The following SLC16A12 variants were observed in gnomAD, a reference collection of about 807,000 sequenced individuals.
SLC16A12 encodes solute carrier family 16 member 12, also known as monocarboxylate transporter 12.
SLC16A12 carries 17 observed loss-of-function variants against 42.4 expected under a neutral mutation model. That is an observed-to-expected ratio of 0.40 (90% CI 0.27 to 0.60). The LOEUF (loss-of-function observed/expected upper bound fraction) is 0.60, where lower values mean the gene tolerates loss of function less well. SLC16A12 is among the 20% of genes least tolerant of loss of function. SLC16A12 has a pLI of 0.42. For missense variants in SLC16A12, 544 were observed against 623.0 expected (o/e 0.87, Z 1.35); for synonymous variants, 224 against 229.4 (o/e 0.98, Z 0.21).
intron 7 of SLC16A12, 30 bp downstream of exon 7, chr10:89,436,030 G>C (rs1419712175): frequency 1.9e-6 from 3 of 1,613,060 alleles, no homozygotes; most frequent in Non-Finnish European, 2.5e-6. Flanking sequence ...AAAGAGAAAA[G>C]GTGGTTGGGG....
Position 89,438,890 on chromosome 10 carries a change from CTTCT to C in SLC16A12, c.738_741del (p.Glu247ThrfsTer11). 6.2e-7 allele frequency: 1 copy of C among 1,613,556 alleles called. No homozygotes were observed. Among genetic ancestry groups the C allele is most frequent in the Non-Finnish European group, 8.5e-7 (1 of 1,179,812 alleles). ...GAATAGGGAGACACCCGCTTAATGT[CTTCT>C]TTCTGAGTTCTACACACATGGTTCT... On this transcript the variant is annotated frameshift_variant, in exon 6 of 8. Transcript: ENST00000371790. LOFTEE classifies it high-confidence loss of function.
chr10:89,444,350 T>C (rs1841963765), intron 3 of SLC16A12, among the ~76,000 whole-genome samples: 1 of 152,096 alleles, frequency 6.6e-6, no homozygotes, highest in Non-Finnish European at 1.5e-5. Flanking sequence ...TATAAAAGGA[T>C]ATATTCTGAG....
intron 2 of SLC16A12, among the ~76,000 whole-genome samples, chr10:89,524,530 A>G (rs527451053): frequency 6.6e-6 from 1 of 152,338 alleles, no homozygotes; most frequent in Non-Finnish European, 1.5e-5. Context: ...TAGAAGGTTC[A>G]ACCTGCGAAT....
chr10:89,543,995 T>C (rs896131088), intron 2 of SLC16A12, among the ~76,000 whole-genome samples: 2 of 152,234 alleles, frequency 1.3e-5, no homozygotes, highest in Admixed American at 6.5e-5. Flanking sequence ...TCCCACTATG[T>C]CCACAGAGTA....
chr10:89,459,605 C>A (rs1211329493), intron 3 of SLC16A12, among the ~76,000 whole-genome samples: 4 of 150,168 alleles, frequency 2.7e-5, no homozygotes, highest in Non-Finnish European at 4.4e-5. Flanking sequence ...AACAAACAAA[C>A]AAACAAACTA....
intron 3 of SLC16A12, among the ~76,000 whole-genome samples, chr10:89,459,442 G>A (rs1385709879): frequency 6.6e-6 from 1 of 151,926 alleles, no homozygotes; most frequent in African/African-American, 2.4e-5. Context: ...AGGTAGAAGT[G>A]TGGTGTGTGT....
chr10:89,488,674 T>G (rs954092515), intron 2 of SLC16A12, among the ~76,000 whole-genome samples: 3 of 152,210 alleles, frequency 2.0e-5, no homozygotes, highest in Non-Finnish European at 2.9e-5. Context: ...AATGATGCCT[T>G]AGAAATCTGT....
intron 3 of SLC16A12, among the ~76,000 whole-genome samples, chr10:89,455,536 G>A (rs1429265840): frequency 6.6e-6 from 1 of 152,064 alleles, no homozygotes; most frequent in Non-Finnish European, 1.5e-5. Flanking sequence ...ATGAAATATG[G>A]GAAGAATATT....
In SLC16A12 at chr10:89,511,265, A is replaced by G. The variant is rs555373959; in HGVS notation, c.-47+23236T>C. ...AAAGGATTATAAATCATTCTACTGT[A>G]AAGGCACATGCACACGTATGTGTAT... On this transcript the variant is annotated intron_variant, in intron 2 of 7. Transcript: ENST00000371790. Among the ~76,000 whole-genome samples the G allele has an allele frequency of 2.0e-5, 3 of 152,366 alleles. No homozygotes were observed. In the East Asian group the frequency reaches 5.8e-4, roughly 29 times the overall value.
intron 2 of SLC16A12, among the ~76,000 whole-genome samples, chr10:89,541,730 A>G (rs1451441314): frequency 6.6e-6 from 1 of 152,244 alleles, no homozygotes. Flanking sequence ...GCATTGTAGA[A>G]CATTTAGCAG....
intron 2 of SLC16A12, among the ~76,000 whole-genome samples, chr10:89,506,017 T>C (rs1162715703): frequency 6.6e-6 from 1 of 152,144 alleles, no homozygotes; most frequent in Non-Finnish European, 1.5e-5. Context: ...GCCAACTGTC[T>C]CTCTAGATTC....
chr10:89,524,411 C>T (rs1422029924), intron 2 of SLC16A12, among the ~76,000 whole-genome samples: 1 of 152,206 alleles, frequency 6.6e-6, no homozygotes, highest in Admixed American at 6.5e-5. Context: ...CCCCTGGCCA[C>T]ACATATTCCC....
chr10:89,534,663 A>C (rs1338326733), intron 1 of SLC16A12, 23 bp from the exon 2 acceptor site: 1 of 148,666 alleles, frequency 6.7e-6, no homozygotes, highest in African/African-American at 2.5e-5. Context: ...AAAAAAAAAA[A>C]AAAAAAAATC....
intron 2 of SLC16A12, among the ~76,000 whole-genome samples, chr10:89,483,944 C>A (rs1389236274): frequency 6.6e-6 from 1 of 152,062 alleles, no homozygotes; most frequent in Non-Finnish European, 1.5e-5. Flanking sequence ...ATGCTGAGTT[C>A]AAATCTCAGC....
rs763207485 is a variant in SLC16A12 at position 89,441,157 on chromosome 10, T to C, written c.399A>G (p.Ser133=). The C allele has an allele frequency of 6.2e-7, 1 of 1,613,884 alleles. No homozygotes were observed. The highest frequency in any genetic ancestry group is 1.7e-5 in the Admixed American group (1 of 59,986). The change falls in exon 5 of 8, where the codon TCA becomes TCG. Residue 133 remains serine, a synonymous_variant. Transcript: ENST00000371790. ...LLASTGLILS[S]FATSLKHLYL... is the part of the protein sequence containing the mutation. ...AGAGATGCTTCAGACTCGTGGCAAA[T>C]GAGCTCAGGATGAGTCCAGTAGATG...
At chr10:89,464,485 T>C (rs1323794620) in intron 2 of SLC16A12, among the ~76,000 whole-genome samples, 1 of 152,160 alleles carries the variant, frequency 6.6e-6, no homozygotes, top group Non-Finnish European at 1.5e-5. Context: ...ATTGAGCAAA[T>C]TACCCAGTTG....
intron 2 of SLC16A12, among the ~76,000 whole-genome samples, chr10:89,531,353 A>G: frequency 6.6e-6 from 1 of 152,136 alleles, no homozygotes; most frequent in Non-Finnish European, 1.5e-5. Flanking sequence ...GAGTCGAAAT[A>G]CACCACTGCA....
intron 2 of SLC16A12, among the ~76,000 whole-genome samples, chr10:89,496,270 C>A (rs1207129360): frequency 2.0e-5 from 3 of 151,370 alleles, no homozygotes; most frequent in Admixed American, 1.3e-4. Flanking sequence ...AAACATAATG[C>A]ATAAATAAAA....
intron 2 of SLC16A12, among the ~76,000 whole-genome samples, chr10:89,463,230 T>C (rs983996550): frequency 1.3e-5 from 2 of 152,238 alleles, no homozygotes; most frequent in Non-Finnish European, 2.9e-5. Context: ...CAACAGCTTA[T>C]AACATAGACT....
Sources: gnomAD v4.1 joint callset for allele counts (sites outside exome capture counted in the v4.1 genomes callset) on GRCh38, gnomAD v4.1.1 for gene constraint, MANE v1.5 for transcripts, NCBI Gene and HGNC (gene_info 2026-07-23, HGNC 2026-07-21) for gene names.